TMIGD2: variants seen among roughly 807,000 people sequenced by gnomAD.
The protein encoded by TMIGD2 is transmembrane and immunoglobulin domain containing 2, also known as transmembrane and immunoglobulin domain-containing protein 2.
Under a neutral mutation model 22.6 loss-of-function variants are expected in TMIGD2, and 18 were observed. The observed-to-expected ratio is 0.80, with a 90% CI of 0.55 to 1.18. The LOEUF (loss-of-function observed/expected upper bound fraction) is 1.18, where lower values mean the gene tolerates loss of function less well. Among genes scored for constraint, TMIGD2 ranks in the 50% most tolerant of loss-of-function variants. The pLI, the probability that TMIGD2 is intolerant of heterozygous loss-of-function variation, is 0.00. For synonymous variants in TMIGD2, 184 were observed against 154.1 expected, an observed-to-expected ratio of 1.19 and a Z score of -1.44; for missense variants, 361 against 378.2, an observed-to-expected ratio of 0.95 and a Z score of 0.38.
intron 1 of TMIGD2, 23 bp from the exon 2 acceptor site, chr19:4,298,368 G>C: frequency 6.5e-7 from 1 of 1,536,616 alleles, no homozygotes; most frequent in Non-Finnish European, 8.7e-7. Context: ...AGAGGTAGAG[G>C]CGACCTTTCT....
rs572432189 is a variant in TMIGD2, at chr19:4,298,475, G to T, written c.47-130C>A. ...GTCTAAGACGGGTGCAGTGGCTCAC[G>T]CCTGTAGTCCCAGCACTTTGGAAGC... On this transcript the variant is annotated intron_variant, in intron 1 of 4. Coordinates refer to ENST00000301272, the Ensembl canonical transcript of TMIGD2. The T allele has an allele frequency of 1.2e-5, 16 of 1,352,166 alleles. 1 individual carries two copies. The South Asian group carries it at 2.4e-4, about 20-fold the overall frequency. 83.8% of individuals were successfully genotyped at this position (1,352,166 alleles called of 1,614,324 possible).
In TMIGD2 at chr19:4,294,574, GT is replaced by G; in HGVS notation, c.554del (p.Asn185ThrfsTer111). 6.2e-7 allele frequency: 1 copy of G among 1,612,494 alleles called. No homozygotes were observed. Among genetic ancestry groups the G allele is most frequent in the South Asian group, 1.1e-5 (1 of 90,922 alleles). ...CGCCCTACCCTCCCTTACCTGGGCT[GT>G]TACCTGAGTCCCTTTGCTGGCAGCT... On this transcript the variant is annotated frameshift_variant, in exon 4 of 5. Coordinates refer to ENST00000301272, the Ensembl canonical transcript of TMIGD2. LOFTEE classifies it low-confidence loss of function (END_TRUNC).
At chr19:4,298,925 C>T (rs1333132091) in intron 1 of TMIGD2, among the ~76,000 whole-genome samples, 4 of 152,100 alleles carry the variant, frequency 2.6e-5, no homozygotes, top group African/African-American at 9.7e-5. Flanking sequence ...AGGCCCTATG[C>T]TGGGTGTGGG....
At chr19:4,293,493 C>G (rs1391879240) in intron 4 of TMIGD2, among the ~76,000 whole-genome samples, 1 of 151,440 alleles carries the variant, frequency 6.6e-6, no homozygotes, top group African/African-American at 2.4e-5. Context: ...AACTCCTGGC[C>G]TCGTGATTCG....
intron 4 of TMIGD2, 140 bp from the exon 5 acceptor site, chr19:4,293,025 G>C: frequency 7.9e-7 from 1 of 1,268,072 alleles, no homozygotes; most frequent in Non-Finnish European, 1.1e-6. Context: ...GTGCAGTGGC[G>C]CAATCTCGGC....
In TMIGD2 at chr19:4,293,170, C is replaced by T. The variant is rs949721685; in HGVS notation, c.563-285G>A. Among the ~76,000 whole-genome samples the T allele has an allele frequency of 4.0e-5, 6 of 151,452 alleles. 1 individual carries two copies. The highest frequency in any genetic ancestry group is 9.8e-5 in the African/African-American group (4 of 40,964). On this transcript the variant is annotated intron_variant, in intron 4 of 4. Transcript: ENST00000301272. ...AGTAGAGACGGGGTTTCACTGTTAGCCAGGATGGTCTTGATCTCCTGACCT... is the reference window on the plus strand; with the variant it reads ...AGTAGAGACGGGGTTTCACTGTTAGTCAGGATGGTCTTGATCTCCTGACCT...
At chr19:4,293,034 G>A (rs1599520486) in intron 4 of TMIGD2, 149 bp from the exon 5 acceptor site, 2 of 1,215,258 alleles carry the variant, frequency 1.6e-6, no homozygotes, top group African/African-American at 3.1e-5. Flanking sequence ...CGCAATCTCG[G>A]CTCACTGCAA....
intron 2 of TMIGD2, 89 bp downstream of exon 2, chr19:4,297,897 T>G: frequency 9.2e-6 from 13 of 1,408,512 alleles, no homozygotes; most frequent in South Asian, 5.1e-5. Flanking sequence ...GAATTTAGAG[T>G]TTTTTGTTTC....
chr19:4,299,745 G>C lies in TMIGD2; in HGVS notation c.47-1400C>G, dbSNP rs1374165715. Among the ~76,000 whole-genome samples, 9 of 152,022 alleles carry C rather than the reference G, an allele frequency of 5.9e-5. No homozygotes were observed. In the East Asian group the frequency reaches 1.4e-3, roughly 23 times the overall value. ...CTACTAAAAATACAAAAATTAGCCAGTGTGGTGGCGGGCTCCTGGAATCCC... is the reference window on the plus strand; with the variant it reads ...CTACTAAAAATACAAAAATTAGCCACTGTGGTGGCGGGCTCCTGGAATCCC... On this transcript the variant is annotated intron_variant, in intron 1 of 4. Coordinates refer to ENST00000301272, the Ensembl canonical transcript of TMIGD2.
chr19:4,299,294 A>T (rs1220410225), intron 1 of TMIGD2, among the ~76,000 whole-genome samples: 1 of 151,522 alleles, frequency 6.6e-6, no homozygotes, highest in East Asian at 2.0e-4. Flanking sequence ...ACAGGCATGT[A>T]ACCACTATGC....
At chr19:4,298,327 C>G (rs1434979239) in exon 2 of TMIGD2, 1 of 1,580,432 alleles carries the variant, frequency 6.3e-7, no homozygotes, top group Non-Finnish European at 8.6e-7. Flanking sequence ...CACGCTCAGG[C>G]TTGAGGCTTC....
intron 1 of TMIGD2, among the ~76,000 whole-genome samples, chr19:4,299,407 A>G (rs1032007054): frequency 2.6e-5 from 4 of 151,490 alleles, no homozygotes; most frequent in African/African-American, 9.7e-5. Flanking sequence ...AACGCCTCCC[A>G]AAGTGCTGGG....
At chr19:4,298,965 A>G (rs1971499907) in intron 1 of TMIGD2, among the ~76,000 whole-genome samples, 1 of 152,040 alleles carries the variant, frequency 6.6e-6, no homozygotes, top group Admixed American at 6.6e-5. Flanking sequence ...ACCAAAACAG[A>G]TGAAAATCCC....
exon 5 of TMIGD2, chr19:4,292,450 T>G: frequency 1.2e-6 from 1 of 818,884 alleles, no homozygotes; most frequent in Non-Finnish European, 2.1e-6. Context: ...CAAGCCAGGC[T>G]GGTCTCAAAC....
exon 5 of TMIGD2, chr19:4,292,650 G>A: frequency 6.2e-7 from 1 of 1,612,388 alleles, no homozygotes; most frequent in Non-Finnish European, 8.5e-7. Context: ...GCTGGGTGGG[G>A]CTTGGTCTAG....
At chr19:4,301,539 G>A (rs376198838) in intron 1 of TMIGD2, among the ~76,000 whole-genome samples, 207 of 152,286 alleles carry the variant, frequency 1.4e-3, no homozygotes, top group African/African-American at 4.8e-3. Context: ...GCGCAGTGGC[G>A]CGCGCCTGCA....
At chr19:4,292,927 T>A in intron 4 of TMIGD2, 42 bp from the exon 5 acceptor site, 1 of 1,603,506 alleles carries the variant, frequency 6.2e-7, no homozygotes, top group Non-Finnish European at 8.5e-7. Context: ...CTTAAGAGAG[T>A]CCTGCCCTCT....
chr19:4,293,087 C>G (rs1437397737), intron 4 of TMIGD2, among the ~76,000 whole-genome samples: 1 of 151,968 alleles, frequency 6.6e-6, no homozygotes, highest in Non-Finnish European at 1.5e-5. Context: ...CCTCAGCCTC[C>G]CAACTAGCTG....
At chr19:4,293,254 C>T (rs1389929872) in intron 4 of TMIGD2, among the ~76,000 whole-genome samples, 1 of 144,390 alleles carries the variant, frequency 6.9e-6, no homozygotes, top group Non-Finnish European at 1.5e-5. Flanking sequence ...AGCCACCGCG[C>T]CCGGCCTTTT....
Sources: gnomAD v4.1 joint callset for allele counts (sites outside exome capture counted in the v4.1 genomes callset) on GRCh38, gnomAD v4.1.1 for gene constraint, MANE v1.5 for transcripts, NCBI Gene and HGNC (gene_info 2026-07-23, HGNC 2026-07-21) for gene names.